Variants in RICTOR observed in about 807,000 individuals in gnomAD.
RICTOR encodes RPTOR independent companion of MTOR complex 2.
In RICTOR, 49 loss-of-function variants were observed where a neutral mutation model predicts 214.9. The observed-to-expected ratio is 0.23, with a 90% CI of 0.18 to 0.29. The LOEUF (loss-of-function observed/expected upper bound fraction) is 0.29, where lower values mean the gene tolerates loss of function less well. Ranked by LOEUF, RICTOR falls within the 10% of genes least tolerant of loss-of-function variation. The probability of loss-of-function intolerance (pLI) is 1.00; values close to 1 mark genes in which losing one functional copy is unlikely to be tolerated. For synonymous variants in RICTOR, 717 were observed against 711.3 expected, an observed-to-expected ratio of 1.01 and a Z score of -0.13; for missense variants, 1,625 against 2,047.0, an observed-to-expected ratio of 0.79 and a Z score of 3.98.
intron 2 of RICTOR, among the ~76,000 whole-genome samples, chr5:39,032,389 A>G (rs958852692): frequency 1.3e-5 from 2 of 152,230 alleles, no homozygotes; most frequent in African/African-American, 4.8e-5. Context: ...AAACCTGTCA[A>G]TCAATTACAA....
intron 3 of RICTOR, among the ~76,000 whole-genome samples, chr5:39,011,904 T>A (rs1754549605): frequency 6.6e-6 from 1 of 152,130 alleles, no homozygotes; most frequent in Admixed American, 6.5e-5. Flanking sequence ...ACTTTGGACT[T>A]GGACTTTTGG....
chr5:39,032,420 C>T (rs756141321), intron 2 of RICTOR, among the ~76,000 whole-genome samples: 3 of 152,164 alleles, frequency 2.0e-5, no homozygotes, highest in Non-Finnish European at 4.4e-5. Flanking sequence ...ATCAGTTTAA[C>T]TGGATTATAA....
chr5:38,968,662 G>A lies in RICTOR; in HGVS notation c.973-632C>T, dbSNP rs566318778. On this transcript the variant is annotated intron_variant, in intron 11 of 37. Transcript: ENST00000357387. ...CTGGGGCAAGAGGATCACTTGAGTC[G>A]AGGAGTTCGAGGATGCAGTGAGCTA... 9.3e-5 allele frequency among the ~76,000 whole-genome samples: 14 copies of A among 151,128 alleles called. No homozygotes were observed. The East Asian group carries it at 2.2e-3, about 23-fold the overall frequency.
intron 2 of RICTOR, among the ~76,000 whole-genome samples, chr5:39,051,621 G>C (rs145428657): frequency 1.7e-4 from 26 of 152,222 alleles, no homozygotes; most frequent in African/African-American, 6.0e-4. Flanking sequence ...GGGCATAGTG[G>C]TGGGCGCCTG....
chr5:39,006,107 C>T (rs1311286400), intron 3 of RICTOR, among the ~76,000 whole-genome samples: 1 of 152,156 alleles, frequency 6.6e-6, no homozygotes, highest in African/African-American at 2.4e-5. Flanking sequence ...ATTTCTGGGC[C>T]TAATGCTTGA....
At chr5:38,946,292 A>G (rs1748183080) in intron 33 of RICTOR, among the ~76,000 whole-genome samples, 176 bp downstream of exon 33, 1 of 152,222 alleles carries the variant, frequency 6.6e-6, no homozygotes, top group Admixed American at 6.5e-5. Flanking sequence ...TCCCTCACAC[A>G]TACACAAAAA....
rs745798670 is a variant in RICTOR, at chr5:38,967,318, T to C, written c.1151+19A>G. 2 of 1,603,828 alleles carry C rather than the reference T, an allele frequency of 1.2e-6. No individual in the cohort carries two copies. The highest frequency in any genetic ancestry group is 1.7e-6 in the Non-Finnish European group (2 of 1,172,028). ...CCCGAATTCTAATAAATTGAAACCC[T>C]TTTTATTTTAAATTCTACCTGGATC... On this transcript the variant is annotated intron_variant, in intron 13 of 37. Coordinates refer to ENST00000357387, the MANE Select transcript of RICTOR (RefSeq NM_152756.5).
chr5:39,013,412 CTAAAA>C (rs759358770), intron 3 of RICTOR, among the ~76,000 whole-genome samples: 21 of 151,954 alleles, frequency 1.4e-4, no homozygotes, highest in African/African-American at 3.9e-4. Flanking sequence ...TACACAAATA[CTAAAA>C]TATTCAAAAA....
At chr5:38,945,135 T>C (rs1158814225) in intron 34 of RICTOR, 67 bp from the exon 35 acceptor site, 1 of 1,090,256 alleles carries the variant, frequency 9.2e-7, no homozygotes, top group Non-Finnish European at 1.3e-6. Context: ...TTACATTGCA[T>C]GCTAAAAAGA....
At position 38,962,555 on chromosome 5, in the gene RICTOR, C is replaced by G; in HGVS notation, c.1598G>C (p.Arg533Thr). 6.3e-7 allele frequency: 1 copy of G among 1,575,706 alleles called. No homozygotes were observed. The highest frequency in any genetic ancestry group is 2.3e-5 in the East Asian group (1 of 44,224). ...TTTATGTTGAAGGACTTGGCTATCTCTAAGGTTAATTAAAAGAGCTTCCTC... is the reference window on the plus strand; with the variant it reads ...TTTATGTTGAAGGACTTGGCTATCTGTAAGGTTAATTAAAAGAGCTTCCTC... ...DTEEALLINL[R>T]DSQVLQHKEN... Residue 533 changes from arginine to threonine, a missense_variant, in exon 18 of 38, where the codon AGA becomes ACA. Physicochemically the swap from Arg to Thr is moderately conservative, Grantham distance 71. Around this residue, in one of 5 missense-constraint regions of RICTOR, gnomAD observed 1,214 missense variants for 1,470.5 expected, o/e 0.83. Coordinates refer to ENST00000357387, the MANE Select transcript of RICTOR (RefSeq NM_152756.5).
At chr5:39,010,006 T>G (rs1364429829) in intron 3 of RICTOR, among the ~76,000 whole-genome samples, 1 of 152,232 alleles carries the variant, frequency 6.6e-6, no homozygotes, top group Admixed American at 6.5e-5. Context: ...TTTGGCTCTG[T>G]GTCCCCACCA....
intron 2 of RICTOR, among the ~76,000 whole-genome samples, chr5:39,058,541 T>C (rs932158029): frequency 3.3e-5 from 5 of 152,144 alleles, no homozygotes; most frequent in Non-Finnish European, 7.4e-5. Context: ...ATGGTTCATT[T>C]TGAACTCTTA....
intron 3 of RICTOR, among the ~76,000 whole-genome samples, chr5:39,009,625 T>C (rs1364961927): frequency 6.6e-6 from 1 of 152,104 alleles, no homozygotes; most frequent in Non-Finnish European, 1.5e-5. Flanking sequence ...AACCATTCAA[T>C]AATGGTTAAA....
chr5:39,033,940 A>C (rs1756460009), intron 2 of RICTOR, among the ~76,000 whole-genome samples: 1 of 152,222 alleles, frequency 6.6e-6, no homozygotes, highest in South Asian at 2.1e-4. Flanking sequence ...TCAATTCTGA[A>C]TTATAAACTT....
At chr5:39,071,041 A>G (rs908336614) in intron 2 of RICTOR, among the ~76,000 whole-genome samples, 5 of 152,184 alleles carry the variant, frequency 3.3e-5, no homozygotes, top group Non-Finnish European at 7.3e-5. Flanking sequence ...TAACTGAGGC[A>G]CTCTATGTAT....
chr5:39,059,186 A>G (rs1758381295), intron 2 of RICTOR, among the ~76,000 whole-genome samples: 1 of 152,094 alleles, frequency 6.6e-6, no homozygotes, highest in Admixed American at 6.6e-5. Flanking sequence ...CATCAGGCAT[A>G]AGAAGGCAGA....
chr5:39,002,029 T>C (rs1312747148), intron 5 of RICTOR, among the ~76,000 whole-genome samples: 1 of 152,062 alleles, frequency 6.6e-6, no homozygotes, highest in Non-Finnish European at 1.5e-5. Context: ...TTTCCTCTTC[T>C]ATAAGAATAT....
At chr5:38,958,991 G>T (rs1749556577) in intron 22 of RICTOR, among the ~76,000 whole-genome samples, 160 bp from the exon 23 acceptor site, 1 of 152,014 alleles carries the variant, frequency 6.6e-6, no homozygotes, top group African/African-American at 2.4e-5. Flanking sequence ...TTGTGAAATA[G>T]AATACTTCCC....
In RICTOR at chr5:38,941,493, T is replaced by C. The variant is rs1427115932; in HGVS notation, c.*811A>G. Reference sequence around the variant, plus strand: ...CTGTTTAAAGCGATGAGATGGAAAGTTGATGAAAGTGGAAGTCCATTGCAA... The same window carrying C: ...CTGTTTAAAGCGATGAGATGGAAAGCTGATGAAAGTGGAAGTCCATTGCAA... On this transcript the variant is annotated 3_prime_UTR_variant, in exon 38 of 38. Transcript: ENST00000357387. 4 of 231,448 alleles carry C rather than the reference T, an allele frequency of 1.7e-5. No individual in the cohort carries two copies. Among genetic ancestry groups the C allele is most frequent in the Admixed American group, 5.6e-5 (1 of 17,722 alleles). The allele number at this position is 231,448 out of a possible 1,614,324, so 14.3% of individuals were successfully genotyped here.
Sources: allele counts gnomAD v4.1 joint callset (sites outside exome capture counted in the v4.1 genomes callset), GRCh38; gene constraint gnomAD v4.1.1; regional missense constraint gnomAD v4.1.1; transcripts MANE v1.5; gene names NCBI Gene and HGNC (gene_info 2026-07-23, HGNC 2026-07-21).